The following TMEM229B variants were observed in gnomAD, a reference collection of about 807,000 sequenced individuals.
TMEM229B encodes the protein chromosome 14 open reading frame 83.
Under a neutral mutation model 13.7 loss-of-function variants are expected in TMEM229B, and 6 were observed. That is an observed-to-expected ratio of 0.44 (90% confidence interval 0.24 to 0.86). The LOEUF is 0.86. TMEM229B is among the 40% of genes least tolerant of loss of function. TMEM229B has a pLI of 0.23. For missense variants in TMEM229B, 170 were observed against 236.0 expected (o/e 0.72, Z 1.83); for synonymous variants, 107 against 102.1 (o/e 1.05, Z -0.29).
At chr14:67,532,807 C>A (rs1262865004) in intron 1 of TMEM229B, among the ~76,000 whole-genome samples, 4 of 152,238 alleles carry the variant, frequency 2.6e-5, no homozygotes, top group Non-Finnish European at 5.9e-5. Context: ...AATATCCAGA[C>A]GTTACAGTTC....
chr14:67,504,076 C>T (rs937002845), intron 1 of TMEM229B, among the ~76,000 whole-genome samples: 7 of 151,574 alleles, frequency 4.6e-5, no homozygotes, highest in Non-Finnish European at 1.0e-4. Flanking sequence ...TGCAGTCGTG[C>T]GATCTCGGCT....
upstream of TMEM229B, among the ~76,000 whole-genome samples, chr14:67,489,834 C>A (rs1478325872): frequency 6.6e-6 from 1 of 152,120 alleles, no homozygotes; most frequent in East Asian, 1.9e-4. Context: ...ACTAAAAGCA[C>A]AAAAAATTAG....
intron 1 of TMEM229B, among the ~76,000 whole-genome samples, chr14:67,523,322 CA>C (rs11328089): frequency 0.41 from 52,531 of 128,534 alleles, 9,583 homozygotes; most frequent in Middle Eastern, 0.5. Context: ...GACTCCATCT[CA>C]AAAAAAAAAA....
At chr14:67,516,303 C>A (rs1286726585), upstream of TMEM229B, among the ~76,000 whole-genome samples, 3 of 152,146 alleles carry the variant, frequency 2.0e-5, no homozygotes, top group Non-Finnish European at 4.4e-5. Flanking sequence ...ACTAACCCAT[C>A]CGGAGAGGGT....
At chr14:67,477,732 G>C (rs1215774588) in intron 2 of TMEM229B, among the ~76,000 whole-genome samples, 1 of 152,120 alleles carries the variant, frequency 6.6e-6, no homozygotes, top group Non-Finnish European at 1.5e-5. Flanking sequence ...TTGAATTCAA[G>C]ACTAGCCTAG....
intron 2 of TMEM229B, among the ~76,000 whole-genome samples, chr14:67,477,705 G>T (rs1049776657): frequency 6.6e-6 from 1 of 152,146 alleles, no homozygotes; most frequent in African/African-American, 2.4e-5. Flanking sequence ...CAGAAGGATC[G>T]CTCGAGCCCA....
In TMEM229B at chr14:67,473,171, C is replaced by A; in HGVS notation, c.*249G>T. On this transcript the variant is annotated 3_prime_UTR_variant, in exon 3 of 3. Coordinates refer to ENST00000554480, the MANE Select transcript of TMEM229B (RefSeq NM_001348543.2). The surrounding 1 kb of genome is among the most constrained non-coding windows in gnomAD (Gnocchi z 6.5). ...AGCCACAGGCCTCCTGGTACCAACC[C>A]CTGAACTGGGCCGCGATCCATGGAC... 1.9e-6 allele frequency: 1 copy of A among 532,694 alleles called. No homozygotes were observed. 33.0% of individuals were successfully genotyped at this position (532,694 alleles called of 1,614,324 possible). A position where few individuals can be genotyped will look rare whatever the true frequency, so the allele number is the denominator to read the frequency against.
At chr14:67,533,135 G>A (rs7140485) in intron 1 of TMEM229B, among the ~76,000 whole-genome samples, 20 of 152,264 alleles carry the variant, frequency 1.3e-4, no homozygotes, top group African/African-American at 4.3e-4. Context: ...AGGAGCGGGC[G>A]GGGAGCCGAG....
intron 1 of TMEM229B, among the ~76,000 whole-genome samples, chr14:67,503,074 G>A (rs1203704406): frequency 2.0e-5 from 3 of 152,118 alleles, no homozygotes; most frequent in Non-Finnish European, 2.9e-5. Flanking sequence ...ATAACCGCAC[G>A]CTAACAAGCA....
chr14:67,476,704 C>T (rs1280667003), intron 2 of TMEM229B, among the ~76,000 whole-genome samples: 5 of 152,154 alleles, frequency 3.3e-5, no homozygotes, highest in Non-Finnish European at 7.3e-5. Context: ...CCCCATATCC[C>T]AGGGCCAGTA....
chr14:67,495,727 A>T (rs946124105), intron 1 of TMEM229B, among the ~76,000 whole-genome samples: 1 of 151,446 alleles, frequency 6.6e-6, no homozygotes, highest in South Asian at 2.1e-4. Flanking sequence ...CAGGTGATCC[A>T]CTCACCCCGG....
intron 1 of TMEM229B, among the ~76,000 whole-genome samples, chr14:67,521,123 C>G (rs1361733629): frequency 2.0e-5 from 3 of 152,170 alleles, no homozygotes; most frequent in Non-Finnish European, 4.4e-5. Context: ...AGTACCAGGA[C>G]AGGAAGATGT....
exon 1 of TMEM229B, chr14:67,515,416 G>GCGGCGGCGC: frequency 5.5e-6 from 1 of 183,426 alleles, no homozygotes; most frequent in Non-Finnish European, 1.1e-5. Context: ...CCCGGCGGCG[G>GCGGCGGCGC]CGGCGGCGGC....
chr14:67,505,756 G>T (rs1414421435), intron 1 of TMEM229B, among the ~76,000 whole-genome samples: 2 of 151,574 alleles, frequency 1.3e-5, no homozygotes, highest in Non-Finnish European at 2.9e-5. Context: ...GCCCAGGCTG[G>T]TATGCAGTGG....
rs144361289 is a variant in TMEM229B at position 67,521,613 on chromosome 14, C to T, written c.-192+12023G>A. On this transcript the variant is annotated intron_variant, in intron 1 of 2. Coordinates refer to the TMEM229B transcript ENST00000554278. ...ATAAGGACTATGCAGTATTCATGAA[C>T]ACCTTGAGCCTGAAAATGAAGAACT... Among the ~76,000 whole-genome samples the T allele has an allele frequency of 6.5e-3, 990 of 152,246 alleles. 13 individuals carry two copies. The highest frequency in any genetic ancestry group is 0.023 in the African/African-American group (941 of 41,536).
chr14:67,511,737 C>G (rs2033033718), intron 1 of TMEM229B, among the ~76,000 whole-genome samples: 1 of 152,200 alleles, frequency 6.6e-6, no homozygotes, highest in South Asian at 2.1e-4. Flanking sequence ...GACCTCCGCT[C>G]CACTACATTT....
chr14:67,515,922 A>C (rs997583208), upstream of TMEM229B, among the ~76,000 whole-genome samples: 1 of 152,272 alleles, frequency 6.6e-6, no homozygotes, highest in Non-Finnish European at 1.5e-5. Flanking sequence ...TATGGAAGTT[A>C]AGGAATTTGC....
At chr14:67,515,437 G>A, upstream of TMEM229B, 1 of 184,866 alleles carries the variant, frequency 5.4e-6, no homozygotes, top group South Asian at 1.2e-4. Context: ...GGCGGCGGCG[G>A]CACTCACCCA....
chr14:67,497,314 C>T (rs192588405), intron 1 of TMEM229B, among the ~76,000 whole-genome samples: 4 of 152,192 alleles, frequency 2.6e-5, no homozygotes, highest in Admixed American at 2.0e-4. Context: ...GACCCAGGCA[C>T]GTGGAGTTAA....
Sources: gnomAD v4.1 joint callset for allele counts (sites outside exome capture counted in the v4.1 genomes callset) on GRCh38, gnomAD v4.1.1 for gene constraint, Gnocchi (gnomAD v3.1) non-coding constraint, MANE v1.5 for transcripts, NCBI Gene and HGNC (gene_info 2026-07-23, HGNC 2026-07-21) for gene names.